Variants in LHCGR observed in about 807,000 individuals in gnomAD.
The protein encoded by LHCGR is luteinizing hormone/choriogonadotropin receptor.
Under a neutral mutation model 60.7 loss-of-function variants are expected in LHCGR, and 55 were observed. The ratio of observed to expected loss-of-function variants is 0.91; its 90% CI spans 0.73 to 1.13. LHCGR has a LOEUF of 1.13. LHCGR is among the 50% of genes most tolerant of loss of function. The probability of loss-of-function intolerance (pLI) is 0.00; values close to 1 mark genes in which losing one functional copy is unlikely to be tolerated. For missense variants in LHCGR, 862 were observed against 836.0 expected (o/e 1.03, Z -0.38); for synonymous variants, 337 against 316.5 (o/e 1.06, Z -0.69).
chr2:48,712,859 T>C (rs1668060284), intron 7 of LHCGR, among the ~76,000 whole-genome samples: 1 of 152,320 alleles, frequency 6.6e-6, no homozygotes, highest in East Asian at 1.9e-4. Context: ...AGCTGTTAAA[T>C]AGTGGGACTG....
chr2:48,737,195 T>A (rs997453078), intron 1 of LHCGR, among the ~76,000 whole-genome samples: 20 of 152,344 alleles, frequency 1.3e-4, no homozygotes, highest in East Asian at 3.9e-4. Context: ...CTAATTGTTG[T>A]TAAAAATGCC....
intron 1 of LHCGR, among the ~76,000 whole-genome samples, chr2:48,741,656 C>T (rs1458722364): frequency 6.6e-6 from 1 of 151,118 alleles, no homozygotes. Context: ...GATTTTGTCA[C>T]CACCAGGCCT....
intron 1 of LHCGR, among the ~76,000 whole-genome samples, chr2:48,737,457 G>C (rs1009779810): frequency 1.3e-5 from 2 of 152,212 alleles, no homozygotes; most frequent in Non-Finnish European, 1.5e-5. Flanking sequence ...ACACTTAACA[G>C]TGTCTTAAGA....
chr2:48,722,864 G>A (rs553730213), intron 6 of LHCGR, among the ~76,000 whole-genome samples: 3 of 152,182 alleles, frequency 2.0e-5, no homozygotes, highest in African/African-American at 7.2e-5. Flanking sequence ...GAATAGTGAG[G>A]CCTTAGGAAA....
At chr2:48,694,932 A>G (rs1667042294) in intron 9 of LHCGR, among the ~76,000 whole-genome samples, 1 of 152,058 alleles carries the variant, frequency 6.6e-6, no homozygotes, top group Non-Finnish European at 1.5e-5. Context: ...GGGAGATACA[A>G]ATGAATAAAG....
chr2:48,734,950 G>A (rs1395509261), intron 1 of LHCGR, among the ~76,000 whole-genome samples: 4 of 152,192 alleles, frequency 2.6e-5, no homozygotes, highest in South Asian at 2.1e-4. Context: ...AAGGTGAGAC[G>A]GCTGTGGAAA....
At chr2:48,692,458 T>C (rs1524149) in intron 10 of LHCGR, among the ~76,000 whole-genome samples, 127,547 of 152,216 alleles carry the variant, frequency 0.84, 54,600 homozygotes, top group East Asian at 1. Flanking sequence ...GATTTATCTT[T>C]GGACTAAATG....
intron 7 of LHCGR, among the ~76,000 whole-genome samples, chr2:48,711,176 T>G (rs1667971212): frequency 6.6e-6 from 1 of 152,202 alleles, no homozygotes; most frequent in Non-Finnish European, 1.5e-5. Flanking sequence ...AGCCTAAATA[T>G]CACGTCCTCA....
At chr2:48,754,872 A>T (rs1040482004) in intron 1 of LHCGR, among the ~76,000 whole-genome samples, 9 of 152,028 alleles carry the variant, frequency 5.9e-5, no homozygotes, top group Non-Finnish European at 1.3e-4. Context: ...CAATCCCTCA[A>T]TCAGGCCTGT....
chr2:48,687,140 A>G lies in LHCGR; in HGVS notation c.*557T>C, dbSNP rs1679932940. On this transcript the variant is annotated 3_prime_UTR_variant, in exon 11 of 11. Coordinates refer to ENST00000294954, the MANE Select transcript of LHCGR (RefSeq NM_000233.4). The stretch of plus-strand genomic sequence containing the variant: ...AAAATATTCTGTGTCTGTGCTGTCC[A>G]GTATGGTAAGCACTAGTCACACGTA... The G allele has an allele frequency of 6.5e-6, 1 of 154,886 alleles. No homozygotes were observed. Among genetic ancestry groups the G allele is most frequent in the Non-Finnish European group, 1.4e-5 (1 of 69,800 alleles). The allele number at this position is 154,886 out of a possible 1,614,324, so 9.6% of individuals were successfully genotyped here.
intron 1 of LHCGR, 107 bp downstream of exon 1, chr2:48,755,404 T>A (rs1339562551): frequency 1.3e-6 from 1 of 744,556 alleles, no homozygotes; most frequent in African/African-American, 1.8e-5. Flanking sequence ...AGCGTTTTTC[T>A]CCAAGCTTCC....
In LHCGR at chr2:48,723,503, G is replaced by A. The variant is rs748870850; in HGVS notation, c.489C>T (p.Thr163=). Reference sequence around the variant, plus strand: ...TCCCTTGAAAAGCATTTCCTGGTATGGTGGTTATGTGTAAGTTATCACAAA... The same window carrying A: ...TCCCTTGAAAAGCATTTCCTGGTATAGTGGTTATGTGTAAGTTATCACAAA... The part of the protein sequence containing the change: ...LEICDNLHIT[T]IPGNAFQGMN... The change falls in exon 6 of 11, where the codon ACC becomes ACT. Residue 163 remains threonine, a synonymous_variant. Coordinates refer to ENST00000294954, the MANE Select transcript of LHCGR (RefSeq NM_000233.4). 2 of 1,612,604 alleles carry A rather than the reference G, an allele frequency of 1.2e-6. No individual in the cohort carries two copies. Among genetic ancestry groups the A allele is most frequent in the South Asian group, 2.2e-5 (2 of 91,046 alleles).
intron 7 of LHCGR, 94 bp downstream of exon 7, chr2:48,713,892 G>T: frequency 1.0e-6 from 1 of 991,034 alleles, no homozygotes; most frequent in Non-Finnish European, 1.6e-6. Flanking sequence ...GTTTATTTTT[G>T]CCCTGAGTTA....
At chr2:48,692,030 C>T (rs1489036263) in intron 10 of LHCGR, among the ~76,000 whole-genome samples, 2 of 152,084 alleles carry the variant, frequency 1.3e-5, no homozygotes, top group African/African-American at 2.4e-5. Context: ...CACTCTCTCT[C>T]ATTGTTTTTC....
At chr2:48,755,049 C>G (rs1050706646) in intron 1 of LHCGR, among the ~76,000 whole-genome samples, 2 of 152,066 alleles carry the variant, frequency 1.3e-5, no homozygotes, top group South Asian at 2.1e-4. Context: ...TTAGGTCACC[C>G]TTGGCCATAG....
At chr2:48,727,270 G>A (rs1668779167) in intron 3 of LHCGR, among the ~76,000 whole-genome samples, 1 of 151,756 alleles carries the variant, frequency 6.6e-6, no homozygotes, top group South Asian at 2.1e-4. Flanking sequence ...AAAAAAAAAA[G>A]ATTAAAAGAA....
intron 6 of LHCGR, among the ~76,000 whole-genome samples, chr2:48,718,272 A>G (rs549543563): frequency 1.2e-3 from 186 of 152,330 alleles, no homozygotes; most frequent in African/African-American, 4.2e-3. Flanking sequence ...AATGTCAGTA[A>G]TTGTGAATCA....
At chr2:48,740,114 G>A (rs902114797) in intron 1 of LHCGR, among the ~76,000 whole-genome samples, 13 of 152,222 alleles carry the variant, frequency 8.5e-5, no homozygotes, top group South Asian at 2.1e-4. Context: ...ACTCCCACCC[G>A]AATACTGCTC....
chr2:48,694,625 A>C (rs890791316), intron 9 of LHCGR, among the ~76,000 whole-genome samples: 1 of 152,212 alleles, frequency 6.6e-6, no homozygotes, highest in Non-Finnish European at 1.5e-5. Flanking sequence ...TGATATATTA[A>C]GGTTTGCTCC....
Sources: allele counts gnomAD v4.1 joint callset (sites outside exome capture counted in the v4.1 genomes callset), GRCh38; gene constraint gnomAD v4.1.1; transcripts MANE v1.5; gene names NCBI Gene and HGNC (gene_info 2026-07-23, HGNC 2026-07-21).